LIMA1: variants seen among roughly 807,000 people sequenced by gnomAD.
The protein encoded by LIMA1 is LIM domain and actin binding 1.
Under a neutral mutation model 62.6 loss-of-function variants are expected in LIMA1, and 52 were observed. The ratio of observed to expected loss-of-function variants is 0.83; its 90% CI spans 0.67 to 1.05. The LOEUF (loss-of-function observed/expected upper bound fraction) is 1.05. Among genes scored for constraint, LIMA1 ranks in the 50% least tolerant of loss-of-function variants. The probability of loss-of-function intolerance (pLI) is 0.00; values close to 1 mark genes in which losing one functional copy is unlikely to be tolerated. For synonymous variants in LIMA1, 302 were observed against 317.8 expected (o/e 0.95, Z 0.53); for missense variants, 780 against 902.2 (o/e 0.86, Z 1.74).
At chr12:50,255,721 G>GAA (rs35349128) in intron 1 of LIMA1, among the ~76,000 whole-genome samples, 39 of 141,940 alleles carry the variant, frequency 2.7e-4, no homozygotes, top group Non-Finnish European at 3.4e-4. Context: ...GCAATTAAAA[G>GAA]AAAAAAAAAA....
intron 3 of LIMA1, among the ~76,000 whole-genome samples, chr12:50,223,317 T>TA (rs887588699): frequency 1.3e-5 from 2 of 151,254 alleles, no homozygotes; most frequent in Admixed American, 6.6e-5. Flanking sequence ...ACCCTGTCTC[T>TA]AAAAAAAATA....
chr12:50,206,212 T>C (rs1941150614), intron 4 of LIMA1, 144 bp from the exon 5 acceptor site: 2 of 562,260 alleles, frequency 3.6e-6, no homozygotes, highest in Non-Finnish European at 6.0e-6. Flanking sequence ...AAATTACAAA[T>C]ATCAAGCACT....
intron 2 of LIMA1, among the ~76,000 whole-genome samples, chr12:50,242,998 C>T (rs917798633): frequency 1.3e-5 from 2 of 152,186 alleles, no homozygotes; most frequent in Non-Finnish European, 2.9e-5. Context: ...AAAGAGTCAA[C>T]TGTTATCAAA....
chr12:50,223,738 T>C (rs1013299707), intron 3 of LIMA1, among the ~76,000 whole-genome samples: 3 of 152,054 alleles, frequency 2.0e-5, no homozygotes, highest in African/African-American at 7.2e-5. Flanking sequence ...AACACGCTTG[T>C]TGAAAATTAA....
chr12:50,249,413 T>C (rs1435592601), intron 1 of LIMA1, among the ~76,000 whole-genome samples: 5 of 152,216 alleles, frequency 3.3e-5, no homozygotes, highest in Admixed American at 2.0e-4. Flanking sequence ...GGAGATAATA[T>C]ATTTAAAATA....
chr12:50,194,920 C>G (rs568230223), intron 8 of LIMA1, among the ~76,000 whole-genome samples: 2 of 151,930 alleles, frequency 1.3e-5, no homozygotes, highest in Non-Finnish European at 2.9e-5. Context: ...TGGTGGTGTG[C>G]GCCTGTAATC....
intron 1 of LIMA1, among the ~76,000 whole-genome samples, chr12:50,254,026 T>TTA (rs1223134121): frequency 2.5e-5 from 1 of 39,964 alleles, no homozygotes; most frequent in Non-Finnish European, 4.0e-5. Flanking sequence ...AGACTCTGTC[T>TTA]CAAAAAAAAA....
intron 3 of LIMA1, among the ~76,000 whole-genome samples, chr12:50,226,526 G>A (rs1450439995): frequency 1.3e-5 from 2 of 151,968 alleles, no homozygotes; most frequent in African/African-American, 4.8e-5. Flanking sequence ...TGCAAGAAGG[G>A]TGTAGAAAAA....
At chr12:50,253,118 T>C (rs761474274) in intron 1 of LIMA1, among the ~76,000 whole-genome samples, 1 of 152,216 alleles carries the variant, frequency 6.6e-6, no homozygotes, top group Non-Finnish European at 1.5e-5. Flanking sequence ...TGGAAGGCTG[T>C]TGATTCCATT....
At position 50,185,746 on chromosome 12, in the gene LIMA1, C is replaced by T. The variant is rs550989757; in HGVS notation, c.1141-3709G>A. ...ACTACCTCCCACACCTGACCCACAT[C>T]GGCTCTCTCTTTAATAGAGCCTTCA... On this transcript the variant is annotated intron_variant, in intron 9 of 10. Coordinates refer to ENST00000341247, the MANE Select transcript of LIMA1 (RefSeq NM_016357.5). 1.5e-4 allele frequency: 44 copies of T among 296,958 alleles called. 1 individual carries two copies. The highest frequency in any genetic ancestry group is 9.4e-4 in the African/African-American group (43 of 45,888). The allele number at this position is 296,958 out of a possible 1,614,324, so 18.4% of individuals were successfully genotyped here. A position where few individuals can be genotyped will look rare whatever the true frequency, so the allele number is the denominator to read the frequency against.
At chr12:50,206,686 G>A (rs529437210) in intron 4 of LIMA1, among the ~76,000 whole-genome samples, 10 of 152,220 alleles carry the variant, frequency 6.6e-5, no homozygotes, top group African/African-American at 9.6e-5. Context: ...GGTCCCTACC[G>A]AGCCAGCCTC....
chr12:50,183,209 A>G (rs1940546084), intron 9 of LIMA1, among the ~76,000 whole-genome samples: 1 of 152,118 alleles, frequency 6.6e-6, no homozygotes, highest in South Asian at 2.1e-4. Context: ...CTCAAAAAAT[A>G]AAGAAAAGAA....
chr12:50,204,553 G>C lies in LIMA1; in HGVS notation c.863C>G (p.Thr288Arg). ...GAATGAATGATGCAGAACACATACT[G>C]TATAGTTGGTTGAGCTGCTTTGTTT... is the stretch of plus-strand genomic sequence containing the variant. ...VSKQSSSTNY[T>R]NELKASGGEI... Residue 288 changes from threonine to arginine, a missense_variant and splice_region_variant, in exon 6 of 11, where the codon ACA becomes AGA. Transcript: ENST00000341247. 3 of 1,613,904 alleles carry C rather than the reference G, an allele frequency of 1.9e-6. No individual in the cohort carries two copies. The highest frequency in any genetic ancestry group is 2.5e-6 in the Non-Finnish European group (3 of 1,179,948).
intron 1 of LIMA1, among the ~76,000 whole-genome samples, chr12:50,273,337 GAA>G (rs964829903): frequency 6.6e-6 from 1 of 152,130 alleles, no homozygotes; most frequent in African/African-American, 2.4e-5. Flanking sequence ...CGGGACTGTA[GAA>G]AATAGTTATT....
chr12:50,220,494 T>C (rs1941422617), intron 4 of LIMA1: 2 of 152,300 alleles, frequency 1.3e-5, no homozygotes, highest in South Asian at 4.1e-4. Flanking sequence ...TCAGCATTTT[T>C]GTCTGCTACA....
intron 1 of LIMA1, among the ~76,000 whole-genome samples, chr12:50,270,604 C>CAAAAAAA (rs150300834): frequency 1.4e-5 from 1 of 71,702 alleles, no homozygotes; most frequent in African/African-American, 5.1e-5. Context: ...GACCTTATCT[C>CAAAAAAA]AAAAAAAAAA....
At position 50,184,893 on chromosome 12, in the gene LIMA1, G is replaced by A. The variant is rs145507233; in HGVS notation, c.1141-2856C>T. Among the ~76,000 whole-genome samples the A allele has an allele frequency of 6.2e-3, 948 of 152,098 alleles. 12 individuals are homozygous for A. Among genetic ancestry groups the A allele is most frequent in the African/African-American group, 0.022 (914 of 41,456 alleles). ...GTCACCCAGACTGGAGTACAGTGGC[G>A]CGATCTCAGCTCACTGCAAGCTCCA... On this transcript the variant is annotated intron_variant, in intron 9 of 10. Transcript: ENST00000341247.
intron 7 of LIMA1, among the ~76,000 whole-genome samples, chr12:50,199,233 C>T (rs992253700): frequency 1.1e-4 from 16 of 152,048 alleles, no homozygotes; most frequent in Non-Finnish European, 1.6e-4. Context: ...TGGGAGGCTG[C>T]GGCAGGAGAA....
chr12:50,263,849 T>TAGAG (rs1185588436), intron 1 of LIMA1, among the ~76,000 whole-genome samples: 2,355 of 102,752 alleles, frequency 0.023, 94 homozygotes, highest in African/African-American at 0.082. Flanking sequence ...TATATATATA[T>TAGAG]ATAGAGAGTA....
Sources: gnomAD v4.1 joint callset for allele counts (sites outside exome capture counted in the v4.1 genomes callset) on GRCh38, gnomAD v4.1.1 for gene constraint, MANE v1.5 for transcripts, NCBI Gene and HGNC (gene_info 2026-07-23, HGNC 2026-07-21) for gene names.